Variants in CNTN4 observed in about 807,000 individuals in gnomAD.
The protein encoded by CNTN4 is contactin 4, also known as contactin-4.
A neutral mutation model predicts 122.5 loss-of-function variants in CNTN4; 77 were observed. That is an observed-to-expected ratio of 0.63 (90% CI 0.52 to 0.76). The LOEUF is 0.76. Ranked by LOEUF, CNTN4 falls within the 30% of genes least tolerant of loss-of-function variation. CNTN4 has a pLI of 0.00. For synonymous variants in CNTN4, 512 were observed against 447.0 expected, an observed-to-expected ratio of 1.15 and a Z score of -1.83; for missense variants, 1,256 against 1,259.1, an observed-to-expected ratio of 1.00 and a Z score of 0.04.
At chr3:2,679,624 AC>A (rs1032267783) in intron 4 of CNTN4, among the ~76,000 whole-genome samples, 5 of 152,136 alleles carry the variant, frequency 3.3e-5, no homozygotes, top group Non-Finnish European at 5.9e-5. Flanking sequence ...TACTGGGGTC[AC>A]CCTGAGCAGG....
At chr3:2,152,548 T>C (rs889696180) in intron 2 of CNTN4, among the ~76,000 whole-genome samples, 2 of 152,086 alleles carry the variant, frequency 1.3e-5, no homozygotes, top group Non-Finnish European at 2.9e-5. Context: ...TCTGAATATA[T>C]TTAGAAGGCT....
chr3:2,101,121 A>G (rs886885665), intron 2 of CNTN4, among the ~76,000 whole-genome samples: 1 of 152,200 alleles, frequency 6.6e-6, no homozygotes, highest in African/African-American at 2.4e-5. Flanking sequence ...GGTAATTAAG[A>G]GTGATTAGAG....
chr3:2,880,642 A>G (rs549549487), intron 8 of CNTN4, among the ~76,000 whole-genome samples: 1 of 152,344 alleles, frequency 6.6e-6, no homozygotes, highest in South Asian at 2.1e-4. Context: ...TAGCCCAGAA[A>G]GGAGGAATAA....
At chr3:2,547,380 C>A (rs1017809396) in intron 3 of CNTN4, among the ~76,000 whole-genome samples, 1 of 151,996 alleles carries the variant, frequency 6.6e-6, no homozygotes, top group Non-Finnish European at 1.5e-5. Flanking sequence ...TCTTTGGCCA[C>A]AGCCTCCCTC....
At chr3:2,439,878 T>A (rs1360734289) in intron 3 of CNTN4, among the ~76,000 whole-genome samples, 1 of 152,152 alleles carries the variant, frequency 6.6e-6, no homozygotes, top group African/African-American at 2.4e-5. Flanking sequence ...ACCAGATCTT[T>A]AGCTCAACAC....
At chr3:2,921,730 C>T (rs2094431542) in intron 12 of CNTN4, among the ~76,000 whole-genome samples, 1 of 152,110 alleles carries the variant, frequency 6.6e-6, no homozygotes, top group Non-Finnish European at 1.5e-5. Context: ...ACATCACATC[C>T]ATATATTTCC....
intron 3 of CNTN4, 187 bp from the exon 4 acceptor site, chr3:2,571,229 A>G (rs2079407097): frequency 2.2e-5 from 11 of 501,990 alleles, no homozygotes; most frequent in Non-Finnish European, 4.0e-5. Context: ...CTGCCCAATT[A>G]TTATCTGCAA....
At chr3:2,757,368 G>T (rs2090385200) in intron 6 of CNTN4, among the ~76,000 whole-genome samples, 3 of 152,084 alleles carry the variant, frequency 2.0e-5, no homozygotes, top group African/African-American at 7.2e-5. Flanking sequence ...TAGTTTGTTG[G>T]CCCTGAGTCC....
At chr3:2,233,119 TG>T (rs1575135486) in intron 2 of CNTN4, among the ~76,000 whole-genome samples, 1 of 140,170 alleles carries the variant, frequency 7.1e-6, no homozygotes, top group East Asian at 2.1e-4. Flanking sequence ...TTTAAACTAA[TG>T]GGGGTCAGAC....
intron 4 of CNTN4, among the ~76,000 whole-genome samples, chr3:2,579,531 G>A (rs540110868): frequency 1.1e-5 from 1 of 91,318 alleles, no homozygotes; most frequent in East Asian, 1.1e-3. Flanking sequence ...TAGGTCATGG[G>A]TTTCTTTTTT....
chr3:2,793,449 C>T (rs2092074728), intron 6 of CNTN4, among the ~76,000 whole-genome samples: 1 of 151,962 alleles, frequency 6.6e-6, no homozygotes, highest in Non-Finnish European at 1.5e-5. Context: ...TATAATGGAA[C>T]AAAGAACTTT....
At chr3:2,666,635 G>A (rs1451552357) in intron 4 of CNTN4, among the ~76,000 whole-genome samples, 1 of 151,794 alleles carries the variant, frequency 6.6e-6, no homozygotes, top group Non-Finnish European at 1.5e-5. Flanking sequence ...GGGTACATGT[G>A]CACAACGTGC....
At chr3:2,877,897 TTAAAA>T (rs2093863143) in intron 8 of CNTN4, among the ~76,000 whole-genome samples, 1 of 152,142 alleles carries the variant, frequency 6.6e-6, no homozygotes, top group African/African-American at 2.4e-5. Flanking sequence ...GCCAAAATAG[TTAAAA>T]TAAAAAAATT....
intron 6 of CNTN4, among the ~76,000 whole-genome samples, chr3:2,780,742 G>A (rs1482169860): frequency 2.6e-5 from 4 of 152,094 alleles, no homozygotes; most frequent in African/African-American, 9.7e-5. Flanking sequence ...AAAATTCCAC[G>A]CCCGTATGGA....
At chr3:2,295,074 T>C (rs1356294759) in intron 2 of CNTN4, among the ~76,000 whole-genome samples, 1 of 151,596 alleles carries the variant, frequency 6.6e-6, no homozygotes, top group Admixed American at 6.6e-5. Context: ...ATCCAGTCTA[T>C]CATTGATGGA....
chr3:2,315,815 A>T (rs980237499), intron 2 of CNTN4, among the ~76,000 whole-genome samples: 1 of 152,120 alleles, frequency 6.6e-6, no homozygotes, highest in East Asian at 1.9e-4. Flanking sequence ...GTTACTATCT[A>T]TATAAAACTT....
At chr3:2,547,346 C>T (rs2078290973) in intron 3 of CNTN4, among the ~76,000 whole-genome samples, 1 of 151,974 alleles carries the variant, frequency 6.6e-6, no homozygotes, top group African/African-American at 2.4e-5. Context: ...ACACTGCAAC[C>T]TCTGTCCCCT....
Position 2,815,137 on chromosome 3 carries a change from A to G in CNTN4, c.359-4349A>G, listed in dbSNP as rs181035896. The stretch of plus-strand genomic sequence containing the variant: ...TAAGACCTGAAACTATAAACATTCT[A>G]GTAGATGACATTGGAAAACCCTTCT... On this transcript the variant is annotated intron_variant, in intron 6 of 24. Coordinates refer to ENST00000418658, the MANE Select transcript of CNTN4 (RefSeq NM_175607.3). Among the ~76,000 whole-genome samples, 236 of 152,368 alleles carry G rather than the reference A, an allele frequency of 1.5e-3. 1 individual carries two copies. The highest frequency in any genetic ancestry group is 5.4e-3 in the African/African-American group (226 of 41,594).
chr3:2,787,859 G>A (rs1052186206), intron 6 of CNTN4, among the ~76,000 whole-genome samples: 2 of 148,328 alleles, frequency 1.3e-5, no homozygotes, highest in African/African-American at 2.5e-5. Context: ...GTGCGATCTT[G>A]GCTCACTGCA....
Sources: gnomAD v4.1 joint callset for allele counts (sites outside exome capture counted in the v4.1 genomes callset) on GRCh38, gnomAD v4.1.1 for gene constraint, MANE v1.5 for transcripts, NCBI Gene and HGNC (gene_info 2026-07-23, HGNC 2026-07-21) for gene names.